TTN: variants seen among roughly 807,000 people sequenced by gnomAD.
The protein encoded by TTN is titin.
In TTN, 1,525 loss-of-function variants were observed where a neutral mutation model predicts 3,223.0. The ratio of observed to expected loss-of-function variants is 0.47; its 90% CI spans 0.45 to 0.49. TTN has a LOEUF of 0.49. Ranked by LOEUF, TTN falls within the 20% of genes least tolerant of loss-of-function variation. The pLI is 0.00. For missense variants in TTN, 40,786 were observed against 43,424.0 expected, an observed-to-expected ratio of 0.94 and a Z score of 5.40; for synonymous variants, 14,094 against 15,161.0, an observed-to-expected ratio of 0.93 and a Z score of 5.17.
chr2:178,675,023 T>C lies in TTN; in HGVS notation c.34612+16A>G. The C allele has an allele frequency of 6.8e-7, 1 of 1,468,716 alleles. No homozygotes were observed. Among genetic ancestry groups the C allele is most frequent in the African/African-American group, 1.5e-5 (1 of 67,580 alleles). 91.0% of individuals were successfully genotyped at this position (1,468,716 alleles called of 1,614,324 possible). On this transcript the variant is annotated intron_variant, in intron 150 of 362. Transcript: ENST00000589042. ...AGGATGACTTTGAAATGTTATTTTC[T>C]TAGAAAGTTATCTACCTTCAACTGG...
Position 178,614,070 on chromosome 2 carries a change from T to C in TTN, c.49327A>G (p.Thr16443Ala), listed in dbSNP as rs1200322239. Residue 16443 changes from threonine (T) to alanine (A), a missense_variant, in exon 262 of 363, where the codon ACA becomes GCA. Transcript: ENST00000589042. ...AACTTACCAAACTGATATTTGGCTG[T>C]TATTGGAGAGGCCTGAACTGGTTCA... ...VGEPVQASPI[T>A]AKYQFDPPGP... 4.3e-6 allele frequency: 7 copies of C among 1,612,344 alleles called. No individual in the cohort carries two copies. The highest frequency in any genetic ancestry group is 5.9e-6 in the Non-Finnish European group (7 of 1,179,174).
At position 178,732,219 on chromosome 2, in the gene TTN, T is replaced by C. The variant is rs368116422; in HGVS notation, c.16750A>G (p.Ile5584Val). Residue 5584 changes from isoleucine (I) to valine (V), a missense_variant, in exon 57 of 363, where the codon ATT becomes GTT. Physicochemically the swap from Ile to Val is conservative, Grantham distance 29. Transcript: ENST00000589042. ...KITWFANDRE[I>V]KESSKHRMSF... is the part of the protein sequence containing the mutation. ...ATTCTGTGTTTGCTGCTCTCCTTAA[T>C]TTCTCTATCATTTGCAAACCATGTT... 25 of 1,613,782 alleles carry C rather than the reference T, an allele frequency of 1.5e-5. No homozygotes were observed. Among genetic ancestry groups the C allele is most frequent in the Non-Finnish European group, 2.0e-5 (24 of 1,179,814 alleles).
At position 178,649,238 on chromosome 2, in the gene TTN, T is replaced by C. The variant is rs1576917346; in HGVS notation, c.40057+10A>G. On this transcript the variant is annotated intron_variant, in intron 213 of 362. Coordinates refer to ENST00000589042, the MANE Select transcript of TTN (RefSeq NM_001267550.2). ...GTTAGAGAAATCTATTTTTTCTTCA[T>C]GGTAGGTACCTTTTTCTGGAAGAAC... The C allele has an allele frequency of 1.1e-5, 17 of 1,500,044 alleles. No individual in the cohort carries two copies. Among genetic ancestry groups the C allele is most frequent in the Non-Finnish European group, 1.5e-5 (17 of 1,128,918 alleles). The allele number at this position is 1,500,044 out of a possible 1,614,324, so 92.9% of individuals were successfully genotyped here.
Position 178,802,139 on chromosome 2 carries a change from T to C in TTN, c.294A>G (p.Lys98=). The C allele has an allele frequency of 6.2e-7, 1 of 1,614,104 alleles. No homozygotes were observed. Among genetic ancestry groups the C allele is most frequent in the South Asian group, 1.1e-5 (1 of 91,060 alleles). ...QATSTAELLV[K]AETAPPNFVQ... is the part of the protein sequence containing the mutation. Reference sequence around the variant, plus strand: ...ATTGGCAGGTCCCCAGCAGCCTACCTTTCACGAGAAGCTCAGCAGTACTAG... The same window carrying C: ...ATTGGCAGGTCCCCAGCAGCCTACCCTTCACGAGAAGCTCAGCAGTACTAG... Residue 98 remains lysine (K), a splice_region_variant and synonymous_variant, in exon 3 of 363, where the codon AAA becomes AAG. Transcript: ENST00000589042.
chr2:178,612,213 C>A (rs1461089280), intron 266 of TTN, 51 bp from the exon 267 acceptor site: 2 of 1,604,434 alleles, frequency 1.2e-6, no homozygotes, highest in Non-Finnish European at 1.7e-6. Flanking sequence ...AGGTGATAAT[C>A]TCCTGTCACA....
chr2:178,711,019 T>C, intron 97 of TTN, 43 bp downstream of exon 97: 1 of 1,548,018 alleles, frequency 6.5e-7, no homozygotes, highest in Non-Finnish European at 8.7e-7. Context: ...TATTTGATTA[T>C]AATACTTTAA....
In TTN at chr2:178,720,915, T is replaced by C. The variant is rs1398179089; in HGVS notation, c.23098+6A>G. On this transcript the variant is annotated splice_donor_region_variant and intron_variant, in intron 79 of 362. Coordinates refer to ENST00000589042, the MANE Select transcript of TTN (RefSeq NM_001267550.2). ...TAAAGAAACAAAGAAGCTTAGTGTG[T>C]CTAACCTTTCACTGTCAACGCTGTG... 3.2e-6 allele frequency: 5 copies of C among 1,581,236 alleles called. No individual in the cohort carries two copies. Among genetic ancestry groups the C allele is most frequent in the African/African-American group, 2.7e-5 (2 of 74,176 alleles).
chr2:178,542,131 AACCTT>A (rs1288282915), intron 349 of TTN, 128 bp downstream of exon 349: 1 of 941,524 alleles, frequency 1.1e-6, no homozygotes, highest in Non-Finnish European at 1.5e-6. Context: ...GAGGTTTAGA[AACCTT>A]AGAAAGACCA....
chr2:178,782,560 T>G lies in TTN; in HGVS notation c.3143A>C (p.Lys1048Thr). ...TTACCGTTTCTCTTCTGTAGTAAAT[T>G]TCTCAGTCACGGCTGTGGTTTCCTT... Reference protein sequence around the residue: ...FEKETTAVTEKFTTEEKRFVE... With the variant: ...FEKETTAVTETFTTEEKRFVE... The change falls in exon 19 of 363, where the codon AAA becomes ACA. Residue 1048 changes from lysine (K) to threonine (T), a missense_variant. Coordinates refer to ENST00000589042, the MANE Select transcript of TTN (RefSeq NM_001267550.2). 2 of 1,614,012 alleles carry G rather than the reference T, an allele frequency of 1.2e-6. No individual in the cohort carries two copies. Among genetic ancestry groups the G allele is most frequent in the Non-Finnish European group, 1.7e-6 (2 of 1,179,964 alleles).
chr2:178,576,303 C>T lies in TTN; in HGVS notation c.69829G>A (p.Val23277Met), dbSNP rs371513781. 64 of 1,581,930 alleles carry T rather than the reference C, an allele frequency of 4.0e-5. 1 individual carries two copies. The South Asian group carries it at 4.1e-4, about 10-fold the overall frequency. Residue 23277 changes from valine (V) to methionine (M), a missense_variant, in exon 326 of 363, where the codon GTG becomes ATG. Val to Met is a conservative substitution (Grantham distance 21). Coordinates refer to ENST00000589042, the MANE Select transcript of TTN (RefSeq NM_001267550.2). This position sits in a 1 kb window ranked among gnomAD's most constrained non-coding sequence, Gnocchi z 4.3. The stretch of plus-strand genomic sequence containing the variant: ...TCGTCTCCTACTTTTTGATGCTCCA[C>T]GACATAGCCAGTGATTTCAAGTCCA... ...DGGLEITGYV[V>M]EHQKVGDEAW...
Position 178,565,264 on chromosome 2 carries a change from A to G in TTN, c.80868T>C (p.Asn26956=), listed in dbSNP as rs780749635. 5 of 1,613,452 alleles carry G rather than the reference A, an allele frequency of 3.1e-6. No homozygotes were observed. In the African/African-American group the frequency reaches 5.3e-5, roughly 17 times the overall value. Residue 26956 remains asparagine (N), a synonymous_variant, in exon 326 of 363, where the codon AAT becomes AAC. Transcript: ENST00000589042. ...DFGKYTVTAT[N]SAGTATENLS... ...GATTTTCTGTTGCTGTGCCTGCACTATTTGTTGCCGTTACGGTGTATTTTC... is the reference window on the plus strand; with the variant it reads ...GATTTTCTGTTGCTGTGCCTGCACTGTTTGTTGCCGTTACGGTGTATTTTC...
At chr2:178,730,850 GTT>G (rs35147775) in intron 60 of TTN, 58 bp from the exon 61 acceptor site, 5 of 1,255,682 alleles carry the variant, frequency 4.0e-6, no homozygotes, top group East Asian at 2.6e-5. Flanking sequence ...ATTTGTTTTT[GTT>G]TTTTTTTTTA....
intron 42 of TTN, 37 bp from the exon 43 acceptor site, chr2:178,764,339 T>A: frequency 5.0e-6 from 8 of 1,613,092 alleles, no homozygotes; most frequent in Non-Finnish European, 6.8e-6. Flanking sequence ...CATGATTAAG[T>A]CACCATAGAG....
rs998269154 is a variant in TTN at position 178,570,342 on chromosome 2, A to T, written c.75790T>A (p.Cys25264Ser). The T allele has an allele frequency of 1.2e-6, 2 of 1,613,200 alleles. No homozygotes were observed. The highest frequency in any genetic ancestry group is 2.7e-5 in the African/African-American group (2 of 74,894). The change falls in exon 326 of 363, where the codon TGC becomes AGC. Residue 25264 changes from cysteine to serine, a missense_variant. Coordinates refer to ENST00000589042, the MANE Select transcript of TTN (RefSeq NM_001267550.2). ...VVDANVQTLS[C>S]KVTKLLEGNE... ...CCTTCAAGAAGCTTAGTAACCTTGC[A>T]GCTGAGAGTCTGCACATTGGCATCA...
intron 241 of TTN, 63 bp from the exon 242 acceptor site, chr2:178,624,794 C>T: frequency 6.3e-7 from 1 of 1,575,786 alleles, no homozygotes; most frequent in Middle Eastern, 1.7e-4. Flanking sequence ...TTGGTACCTT[C>T]TCAACTTTCC....
intron 106 of TTN, 42 bp downstream of exon 106, chr2:178,704,105 A>G: frequency 6.3e-7 from 1 of 1,599,948 alleles, no homozygotes; most frequent in Non-Finnish European, 8.5e-7. Context: ...TTTGCCATTG[A>G]CCTATGCTGT....
At chr2:178,624,861 A>G (rs2058792345) in intron 241 of TTN, 130 bp from the exon 242 acceptor site, 1 of 1,001,666 alleles carries the variant, frequency 1.0e-6, no homozygotes, top group Non-Finnish European at 1.5e-6. Flanking sequence ...TTTTGATTAC[A>G]CTCAGACATT....
chr2:178,607,911 C>T lies in TTN; in HGVS notation c.52876G>A (p.Val17626Ile). 6.2e-7 allele frequency: 1 copy of T among 1,613,050 alleles called. No individual in the cohort carries two copies. Among genetic ancestry groups the T allele is most frequent in the Non-Finnish European group, 8.5e-7 (1 of 1,179,342 alleles). The part of the protein sequence containing the change: ...WSRCTEKMIK[V>I]RQYTVKEIRE... ...ATTTCTTTGACGGTGTACTGACGGACCTTGATCATCTTCTCTGTGCAGCGT... is the reference window on the plus strand; with the variant it reads ...ATTTCTTTGACGGTGTACTGACGGATCTTGATCATCTTCTCTGTGCAGCGT... Residue 17626 changes from valine (V) to isoleucine (I), a missense_variant, in exon 276 of 363, where the codon GTC becomes ATC. Transcript: ENST00000589042.
rs61060584 is a variant in TTN at position 178,677,335 on chromosome 2, C to CATATATATATATATATATATATATAT, written c.34292-74_34292-49dup. ...GCATTAAAAACCACATATACATGGTCATATATATATATATATATATATATA... is the reference window on the plus strand; with the variant it reads ...GCATTAAAAACCACATATACATGGTCATATATATATATATATATATATATATATATATATATATATATATATATATA... On this transcript the variant is annotated intron_variant, in intron 146 of 362. Transcript: ENST00000589042. The CATATATATATATATATATATATATAT allele has an allele frequency of 1.7e-3, 438 of 251,638 alleles. 11 individuals carry two copies. Among genetic ancestry groups the CATATATATATATATATATATATATAT allele is most frequent in the African/African-American group, 8.8e-3 (198 of 22,608 alleles). 15.6% of individuals were successfully genotyped at this position (251,638 alleles called of 1,614,324 possible). A position where few individuals can be genotyped will look rare whatever the true frequency, so the allele number is the denominator to read the frequency against.
Sources: gnomAD v4.1 joint callset for allele counts on GRCh38, gnomAD v4.1.1 for gene constraint, Gnocchi (gnomAD v3.1) non-coding constraint, MANE v1.5 for transcripts, NCBI Gene and HGNC (gene_info 2026-07-23, HGNC 2026-07-21) for gene names.